TRPM2: variants seen among roughly 807,000 people sequenced by gnomAD.
The protein encoded by TRPM2 is estrogen-responsive element-associated gene 1 protein.
TRPM2 carries 161 observed loss-of-function variants against 174.0 expected under a neutral mutation model. That is an observed-to-expected ratio of 0.93 (90% CI 0.81 to 1.05). The LOEUF is 1.05. TRPM2 is among the 50% of genes least tolerant of loss of function. The pLI, the probability that TRPM2 is intolerant of heterozygous loss-of-function variation, is 0.00. For missense variants in TRPM2, 2,057 were observed against 2,038.0 expected, an observed-to-expected ratio of 1.01 and a Z score of -0.18; for synonymous variants, 954 against 861.3, an observed-to-expected ratio of 1.11 and a Z score of -1.88.
rs368552431 is a variant in TRPM2 at position 44,406,048 on chromosome 21, G to A, written c.2790+11G>A. 23 of 1,603,038 alleles carry A rather than the reference G, an allele frequency of 1.4e-5. No homozygotes were observed. The highest frequency in any genetic ancestry group is 1.3e-4 in the Admixed American group (8 of 59,892). ...ATTGTGAAGCGGATGGTAAGGGGGC[G>A]GGGGCACCGGCTCCATCGCGGCCTG... On this transcript the variant is annotated intron_variant, in intron 18 of 31. Coordinates refer to ENST00000397928, the MANE Select transcript of TRPM2 (RefSeq NM_003307.4).
intron 16 of TRPM2, among the ~76,000 whole-genome samples, chr21:44,403,152 G>T (rs1405848989): frequency 1.3e-5 from 2 of 152,132 alleles, no homozygotes; most frequent in Admixed American, 6.5e-5. Context: ...TGCACCCCCA[G>T]CCCCAGCCCC....
chr21:44,409,130 G>A (rs531986487), intron 19 of TRPM2, among the ~76,000 whole-genome samples: 9 of 152,226 alleles, frequency 5.9e-5, no homozygotes, highest in African/African-American at 2.2e-4. Context: ...GTCATTTGAT[G>A]CACGAGCTTT....
Position 44,441,958 on chromosome 21 carries a change from G to A in TRPM2, c.*141G>A, listed in dbSNP as rs971832754. The A allele has an allele frequency of 7.2e-6, 9 of 1,256,676 alleles. No homozygotes were observed. The highest frequency in any genetic ancestry group is 6.1e-5 in the African/African-American group (4 of 65,224). 77.8% of individuals were successfully genotyped at this position (1,256,676 alleles called of 1,614,324 possible). Reference sequence around the variant, plus strand: ...GTTTGGTGGACCCAGTGCCCCTCACGGCTGCCGCAAGTCTGCTGCAGATGA... The same window carrying A: ...GTTTGGTGGACCCAGTGCCCCTCACAGCTGCCGCAAGTCTGCTGCAGATGA... On this transcript the variant is annotated 3_prime_UTR_variant, in exon 32 of 32. Coordinates refer to ENST00000397928, the MANE Select transcript of TRPM2 (RefSeq NM_003307.4).
At chr21:44,436,270 C>T (rs1444958140) in intron 28 of TRPM2, among the ~76,000 whole-genome samples, 1 of 152,144 alleles carries the variant, frequency 6.6e-6, no homozygotes, top group Non-Finnish European at 1.5e-5. Context: ...TTCTGGGGCC[C>T]AGGCCCAGCT....
In TRPM2 at chr21:44,400,248, C is replaced by A; in HGVS notation, c.2209-11C>A. 6.2e-7 allele frequency: 1 copy of A among 1,609,754 alleles called. No individual in the cohort carries two copies. The highest frequency in any genetic ancestry group is 1.1e-5 in the South Asian group (1 of 90,802). On this transcript the variant is annotated splice_polypyrimidine_tract_variant and intron_variant, in intron 14 of 31. Coordinates refer to ENST00000397928, the MANE Select transcript of TRPM2 (RefSeq NM_003307.4). ...TGGGCACTGCCATCCTGAGACTGCC[C>A]CCATCCGCAGGCCTTCCTGACCAAG...
chr21:44,435,749 CT>C (rs1436798030), intron 28 of TRPM2, among the ~76,000 whole-genome samples: 13 of 128,938 alleles, frequency 1.0e-4, no homozygotes, highest in African/African-American at 4.3e-4. Context: ...ACCCCTCAGA[CT>C]CACTCTCCAC....
At chr21:44,414,518 C>T (rs2050214654) in intron 20 of TRPM2, 1 of 167,006 alleles carries the variant, frequency 6.0e-6, no homozygotes, top group African/African-American at 2.4e-5. Context: ...AAGGGCTCTG[C>T]CTGTGTCTCC....
intron 13 of TRPM2, among the ~76,000 whole-genome samples, chr21:44,398,876 C>G (rs1366809390): frequency 6.6e-6 from 1 of 152,158 alleles, no homozygotes; most frequent in Non-Finnish European, 1.5e-5. Context: ...GTTAGTCTTA[C>G]AAACGCAGAC....
chr21:44,390,999 A>C lies in TRPM2; in HGVS notation c.1414A>C (p.Ile472Leu). 6.2e-7 allele frequency: 1 copy of C among 1,614,028 alleles called. No individual in the cohort carries two copies. Among genetic ancestry groups the C allele is most frequent in the Non-Finnish European group, 8.5e-7 (1 of 1,180,024 alleles). ...WNRVDIARSE[I>L]FMDEWQWKPS... ...TCGCGTGGACATTGCCCGCAGTGAG[A>C]TCTTCATGGATGAGTGGCAGTGGAA... Residue 472 changes from isoleucine to leucine, a missense_variant, in exon 10 of 32, where the codon ATC (isoleucine) becomes CTC (leucine). Coordinates refer to ENST00000397928, the MANE Select transcript of TRPM2 (RefSeq NM_003307.4).
intron 9 of TRPM2, among the ~76,000 whole-genome samples, chr21:44,388,749 A>G (rs2049086453): frequency 6.6e-6 from 1 of 151,898 alleles, no homozygotes; most frequent in African/African-American, 2.4e-5. Flanking sequence ...TGAGCCCAGG[A>G]CGTTGAGGCT....
chr21:44,351,595 G>A (rs780431994), upstream of TRPM2, among the ~76,000 whole-genome samples: 1 of 152,244 alleles, frequency 6.6e-6, no homozygotes, highest in Admixed American at 6.5e-5. Context: ...GAAAGGGATT[G>A]AGCCTGTAAT....
upstream of TRPM2, among the ~76,000 whole-genome samples, chr21:44,352,971 A>G (rs2123003690): frequency 1.3e-5 from 2 of 152,152 alleles, no homozygotes; most frequent in Non-Finnish European, 2.9e-5. Context: ...CCTGACCAAC[A>G]TGGTGAAACC....
At chr21:44,361,055 G>A (rs560460928) in intron 2 of TRPM2, among the ~76,000 whole-genome samples, 15 of 152,196 alleles carry the variant, frequency 9.9e-5, no homozygotes, top group East Asian at 1.9e-4. Flanking sequence ...AGGATGTTAC[G>A]TCAATGGAAT....
chr21:44,432,339 A>G lies in TRPM2; in HGVS notation c.3975-2792A>G, dbSNP rs2051055476. On this transcript the variant is annotated intron_variant, in intron 27 of 31. Coordinates refer to ENST00000397928, the MANE Select transcript of TRPM2 (RefSeq NM_003307.4). The surrounding 1 kb of genome is among the most constrained non-coding windows in gnomAD (Gnocchi z 4.9). Reference sequence around the variant, plus strand: ...TTGTGATCTCTGCCTCCCTAGCCACATGGCCTCTCCCTGCACGTGTCTGTG... The same window carrying G: ...TTGTGATCTCTGCCTCCCTAGCCACGTGGCCTCTCCCTGCACGTGTCTGTG... Among the ~76,000 whole-genome samples, 1 of 152,066 alleles carries G rather than the reference A, an allele frequency of 6.6e-6. No individual in the cohort carries two copies. The highest frequency in any genetic ancestry group is 2.4e-5 in the African/African-American group (1 of 41,388).
In TRPM2 at chr21:44,356,605, C is replaced by T. The variant is rs145431399; in HGVS notation, c.254+1869C>T. Among the ~76,000 whole-genome samples the T allele has an allele frequency of 4.7e-3, 702 of 150,148 alleles. 2 individuals are homozygous for T. The highest frequency in any genetic ancestry group is 0.016 in the African/African-American group (652 of 40,686). On this transcript the variant is annotated intron_variant, in intron 2 of 31. Transcript: ENST00000397928. The stretch of plus-strand genomic sequence containing the variant: ...GGAGTGCAATGGCATGATCTTGGCT[C>T]GCTGCAACCTTCGTCTCCCAGGTTC...
intron 16 of TRPM2, among the ~76,000 whole-genome samples, chr21:44,404,090 T>C (rs374638526): frequency 5.9e-5 from 9 of 151,508 alleles, no homozygotes; most frequent in East Asian, 1.9e-4. Context: ...TGTACACACA[T>C]ACACACACAT....
At chr21:44,370,125 C>A (rs2048486794) in intron 5 of TRPM2, among the ~76,000 whole-genome samples, 1 of 152,096 alleles carries the variant, frequency 6.6e-6, no homozygotes, top group Admixed American at 6.5e-5. Flanking sequence ...TGGTATCTCC[C>A]TCAAGGTTGT....
At chr21:44,424,552 G>T (rs952426367) in intron 23 of TRPM2, among the ~76,000 whole-genome samples, 2 of 152,188 alleles carry the variant, frequency 1.3e-5, no homozygotes, top group African/African-American at 4.8e-5. Context: ...CTTCATGCTG[G>T]CTCCATCCTC....
In TRPM2 at chr21:44,397,795, GA is replaced by G; in HGVS notation, c.1983del (p.Glu661AspfsTer67). ...CTTGGCCTGCAGCAAGATCCTGAAG[GA>G]ACTGTCCAAGGAGGAGGAGGACACG... ...AALACSKILK[E>X]LSKEEEDTDS... On this transcript the variant is annotated frameshift_variant, in exon 13 of 32. Transcript: ENST00000397928. LOFTEE classifies it high-confidence loss of function. The G allele has an allele frequency of 6.2e-7, 1 of 1,603,758 alleles. No homozygotes were observed. The highest frequency in any genetic ancestry group is 8.5e-7 in the Non-Finnish European group (1 of 1,175,428).
Sources: allele counts gnomAD v4.1 joint callset (sites outside exome capture counted in the v4.1 genomes callset), GRCh38; gene constraint gnomAD v4.1.1; non-coding constraint Gnocchi (gnomAD v3.1); transcripts MANE v1.5; gene names NCBI Gene and HGNC (gene_info 2026-07-23, HGNC 2026-07-21).